Variants in WDFY3 observed in about 807,000 individuals in gnomAD.
The protein encoded by WDFY3 is WD repeat and FYVE domain-containing protein 3.
A neutral mutation model predicts 409.6 loss-of-function variants in WDFY3; 66 were observed. That is an observed-to-expected ratio of 0.16 (90% CI 0.13 to 0.20). The LOEUF (loss-of-function observed/expected upper bound fraction) is 0.20. Among genes scored for constraint, WDFY3 ranks in the 10% least tolerant of loss-of-function variants. The pLI, the probability that WDFY3 is intolerant of heterozygous loss-of-function variation, is 1.00. For synonymous variants in WDFY3, 1,521 were observed against 1,537.1 expected, an observed-to-expected ratio of 0.99 and a Z score of 0.25; for missense variants, 3,031 against 4,298.1, an observed-to-expected ratio of 0.71 and a Z score of 8.24.
At chr4:84,681,408 T>C (rs939471231) in intron 64 of WDFY3, among the ~76,000 whole-genome samples, 4 of 152,218 alleles carry the variant, frequency 2.6e-5, no homozygotes, top group Non-Finnish European at 5.9e-5. Flanking sequence ...TGAATTTTTA[T>C]GTCCCCAAAC....
intron 5 of WDFY3, among the ~76,000 whole-genome samples, chr4:84,842,794 A>T (rs1411794321): frequency 6.6e-6 from 1 of 152,230 alleles, no homozygotes; most frequent in Non-Finnish European, 1.5e-5. Context: ...AACAAAACAA[A>T]ACAAAAAACT....
chr4:84,843,344 T>A lies in WDFY3; in HGVS notation c.305-2081A>T, dbSNP rs895755225. On this transcript the variant is annotated intron_variant, in intron 5 of 67. Transcript: ENST00000295888. ...ATCACTGTAAAAAAATAACTTTTAT[T>A]TTCACCTACCAATTTCAATATGTGT... Among the ~76,000 whole-genome samples, 4 of 152,306 alleles carry A rather than the reference T, an allele frequency of 2.6e-5. No homozygotes were observed. In the South Asian group the frequency reaches 8.3e-4, roughly 32 times the overall value.
intron 63 of WDFY3, 42 bp downstream of exon 63, chr4:84,683,901 G>C (rs1727850121): frequency 6.5e-7 from 1 of 1,531,438 alleles, no homozygotes; most frequent in Non-Finnish European, 8.9e-7. Context: ...GGTAAACTAG[G>C]ATGACAAATA....
chr4:84,906,483 A>G (rs1234840738), intron 2 of WDFY3, among the ~76,000 whole-genome samples: 1 of 152,202 alleles, frequency 6.6e-6, no homozygotes, highest in Non-Finnish European at 1.5e-5. Context: ...CCTCAAAAAT[A>G]TGTGTAATAT....
At chr4:84,956,906 T>C (rs1051111651) in intron 1 of WDFY3, among the ~76,000 whole-genome samples, 1 of 151,328 alleles carries the variant, frequency 6.6e-6, no homozygotes, top group South Asian at 2.1e-4. Flanking sequence ...AACAATGACA[T>C]ATTATTAAGC....
At chr4:84,696,939 G>T in intron 56 of WDFY3, 116 bp from the exon 57 acceptor site, 1 of 815,950 alleles carries the variant, frequency 1.2e-6, no homozygotes. Flanking sequence ...CGCTAAAATT[G>T]TACACCAGAA....
chr4:84,894,000 A>AATT (rs1554008121), intron 3 of WDFY3, among the ~76,000 whole-genome samples: 1 of 152,152 alleles, frequency 6.6e-6, no homozygotes, highest in Admixed American at 6.6e-5. Flanking sequence ...AAAAAAAAAA[A>AATT]AATTAGAAAA....
At chr4:84,963,142 G>A (rs1196728148) in intron 1 of WDFY3, among the ~76,000 whole-genome samples, 2 of 149,068 alleles carry the variant, frequency 1.3e-5, no homozygotes, top group East Asian at 2.0e-4. Context: ...AAAAAAAAAC[G>A]GCCTGGCACG....
intron 2 of WDFY3, among the ~76,000 whole-genome samples, chr4:84,917,657 T>C (rs1768688567): frequency 1.3e-5 from 2 of 152,056 alleles, no homozygotes; most frequent in Non-Finnish European, 2.9e-5. Context: ...AAACTCTTTA[T>C]GTTTTTTACA....
At chr4:84,928,175 T>C (rs1203683619) in intron 2 of WDFY3, among the ~76,000 whole-genome samples, 2 of 152,202 alleles carry the variant, frequency 1.3e-5, no homozygotes, top group African/African-American at 4.8e-5. Flanking sequence ...AGGATGCCCT[T>C]CATCGTCTGT....
At chr4:84,927,140 A>T (rs1322345089) in intron 2 of WDFY3, among the ~76,000 whole-genome samples, 1 of 152,088 alleles carries the variant, frequency 6.6e-6, no homozygotes, top group Non-Finnish European at 1.5e-5. Context: ...ACAAATAATA[A>T]TTAAACAACT....
At chr4:84,958,371 G>A (rs1774502837) in intron 1 of WDFY3, among the ~76,000 whole-genome samples, 1 of 152,166 alleles carries the variant, frequency 6.6e-6, no homozygotes, top group African/African-American at 2.4e-5. Context: ...CTATGTTTAA[G>A]CAGTTCTATA....
At chr4:84,761,850 T>A (rs1305971069) in intron 32 of WDFY3, among the ~76,000 whole-genome samples, 2 of 151,938 alleles carry the variant, frequency 1.3e-5, no homozygotes, top group African/African-American at 4.8e-5. Flanking sequence ...CAGCCAAAAA[T>A]CACATGAAAA....
At chr4:84,864,875 C>T (rs1168550469) in intron 3 of WDFY3, among the ~76,000 whole-genome samples, 2 of 151,906 alleles carry the variant, frequency 1.3e-5, no homozygotes, top group African/African-American at 4.8e-5. Flanking sequence ...TTTGAGTTTT[C>T]TGAAATACAT....
chr4:84,782,653 T>C (rs1012764230), intron 25 of WDFY3, among the ~76,000 whole-genome samples: 1 of 152,222 alleles, frequency 6.6e-6, no homozygotes, highest in African/African-American at 2.4e-5. Context: ...TTTTCTGTTC[T>C]TGTGTTAGTT....
Position 84,849,892 on chromosome 4 carries a change from G to A in WDFY3, c.304+10C>T, listed in dbSNP as rs541656729. ...AACAAATCAGTTTTTGCTGGCTACTGTAAAAATACCTGTGGATTTGTTTGA... is the reference window on the plus strand; with the variant it reads ...AACAAATCAGTTTTTGCTGGCTACTATAAAAATACCTGTGGATTTGTTTGA... On this transcript the variant is annotated intron_variant, in intron 5 of 67. Coordinates refer to ENST00000295888, the MANE Select transcript of WDFY3 (RefSeq NM_014991.6). The A allele has an allele frequency of 1.2e-6, 2 of 1,608,670 alleles. No individual in the cohort carries two copies. The highest frequency in any genetic ancestry group is 1.7e-5 in the Admixed American group (1 of 58,632).
rs1348184119 is a variant in WDFY3 at position 84,671,269 on chromosome 4, A to G, written c.*1599T>C. On this transcript the variant is annotated 3_prime_UTR_variant, in exon 68 of 68. Coordinates refer to ENST00000295888, the MANE Select transcript of WDFY3 (RefSeq NM_014991.6). ...AAGTGTGCCTCTCACCAGGGCCTAA[A>G]GATGGAAAATTGGAAAAGCCAAAGC... 6.6e-6 allele frequency: 1 copy of G among 152,570 alleles called. No homozygotes were observed. The highest frequency in any genetic ancestry group is 2.4e-5 in the African/African-American group (1 of 41,430). 9.5% of individuals were successfully genotyped at this position (152,570 alleles called of 1,614,324 possible).
intron 2 of WDFY3, among the ~76,000 whole-genome samples, chr4:84,928,846 A>G (rs11730981): frequency 0.41 from 61,886 of 151,968 alleles, 13,172 homozygotes; most frequent in African/African-American, 0.52. Context: ...GAAAAGTCAC[A>G]CGCCACTTGA....
At chr4:84,751,983 C>A (rs950689597) in intron 35 of WDFY3, among the ~76,000 whole-genome samples, 2 of 152,024 alleles carry the variant, frequency 1.3e-5, no homozygotes, top group Non-Finnish European at 2.9e-5. Context: ...TGGCTAACTG[C>A]ACTTAAAATA....
Sources: allele counts gnomAD v4.1 joint callset (sites outside exome capture counted in the v4.1 genomes callset), GRCh38; gene constraint gnomAD v4.1.1; transcripts MANE v1.5; gene names NCBI Gene and HGNC (gene_info 2026-07-23, HGNC 2026-07-21).